PRKN: variants seen among roughly 807,000 people sequenced by gnomAD.
PRKN encodes the protein parkin RBR E3 ubiquitin protein ligase.
PRKN carries 56 observed loss-of-function variants against 59.5 expected under a neutral mutation model. The observed-to-expected ratio is 0.94, with a 90% CI of 0.76 to 1.18. The LOEUF is 1.18. PRKN is among the 50% of genes most tolerant of loss of function. The pLI is 0.00. For missense variants in PRKN, 657 were observed against 596.4 expected, an observed-to-expected ratio of 1.10 and a Z score of -1.06; for synonymous variants, 250 against 222.1, an observed-to-expected ratio of 1.13 and a Z score of -1.12.
intron 6 of PRKN, among the ~76,000 whole-genome samples, chr6:161,829,953 A>T (rs4307152): frequency 0.85 from 128,886 of 151,996 alleles, 54,756 homozygotes; most frequent in Admixed American, 0.89. Context: ...CCTCTCGCCA[A>T]GTCCGTAGCT....
At chr6:161,897,883 C>T (rs189860433) in intron 6 of PRKN, among the ~76,000 whole-genome samples, 1,749 of 137,412 alleles carry the variant, frequency 0.013, 55 homozygotes, top group Admixed American at 0.11. Flanking sequence ...AGGAGAATGG[C>T]GTGAACCCGG....
At chr6:162,103,737 C>T (rs1780074102) in intron 4 of PRKN, among the ~76,000 whole-genome samples, 1 of 152,132 alleles carries the variant, frequency 6.6e-6, no homozygotes. Flanking sequence ...CCCAGAAAGG[C>T]CCGGATTCAC....
intron 1 of PRKN, among the ~76,000 whole-genome samples, chr6:162,556,345 GTGTGTGTGT>G (rs1779576940): frequency 3.5e-4 from 18 of 50,800 alleles, no homozygotes; most frequent in Non-Finnish European, 4.3e-4. Flanking sequence ...CTCAGCTGGT[GTGTGTGTGT>G]GTGTGTGTGT....
intron 3 of PRKN, among the ~76,000 whole-genome samples, chr6:162,216,305 T>C (rs973800799): frequency 6.8e-6 from 1 of 146,772 alleles, no homozygotes; most frequent in African/African-American, 2.5e-5. Flanking sequence ...CCGAGGCGGG[T>C]GGATCATGAG....
intron 1 of PRKN, among the ~76,000 whole-genome samples, chr6:162,453,323 C>G (rs9295190): frequency 6.6e-6 from 1 of 152,112 alleles, no homozygotes; most frequent in Non-Finnish European, 1.5e-5. Flanking sequence ...TCCTCTCTCT[C>G]TTTTTCCTTC....
intron 9 of PRKN, among the ~76,000 whole-genome samples, chr6:161,542,686 A>G (rs1779659105): frequency 1.3e-5 from 2 of 152,218 alleles, no homozygotes. Context: ...TTGATGAAGA[A>G]CATCTTGTAT....
At chr6:162,516,350 C>A (rs1350891649) in intron 1 of PRKN, among the ~76,000 whole-genome samples, 2 of 152,206 alleles carry the variant, frequency 1.3e-5, no homozygotes, top group Non-Finnish European at 2.9e-5. Context: ...GCACACCTAT[C>A]CAATGAAGCA....
Position 161,459,623 on chromosome 6 carries a change from C to T in PRKN, c.1084-72746G>A, listed in dbSNP as rs897344811. On this transcript the variant is annotated intron_variant, in intron 9 of 11. Transcript: ENST00000366898. The surrounding 1 kb of genome is among the most constrained non-coding windows in gnomAD (Gnocchi z 4.8). ...TCTCTGAGATCCATCCTGCTGTCAG[C>T]CCTAGAACTCCCTCACAAGCAAGCT... 6.6e-6 allele frequency among the ~76,000 whole-genome samples: 1 copy of T among 152,156 alleles called. No individual in the cohort carries two copies. Among genetic ancestry groups the T allele is most frequent in the Non-Finnish European group, 1.5e-5 (1 of 68,024 alleles).
At position 161,503,163 on chromosome 6, in the gene PRKN, G is replaced by A. The variant is rs1778025319; in HGVS notation, c.1083+45691C>T. On this transcript the variant is annotated intron_variant, in intron 9 of 11. Transcript: ENST00000366898. This position sits in a 1 kb window ranked among gnomAD's most constrained non-coding sequence, Gnocchi z 5.1. ...AGGCAAACTGATCTCCCATGTAGAG[G>A]GAGGAGATGGGATCTGGAAGGCCTG... Among the ~76,000 whole-genome samples the A allele has an allele frequency of 6.6e-6, 1 of 152,144 alleles. No individual in the cohort carries two copies. The highest frequency in any genetic ancestry group is 2.4e-5 in the African/African-American group (1 of 41,436).
intron 1 of PRKN, among the ~76,000 whole-genome samples, chr6:162,702,276 G>A (rs899113956): frequency 5.9e-5 from 9 of 152,046 alleles, no homozygotes; most frequent in African/African-American, 1.4e-4. Context: ...TTTACTTGAC[G>A]TTTTTCCTTT....
chr6:161,462,020 G>A lies in PRKN; in HGVS notation c.1084-75143C>T, dbSNP rs1286554240. Among the ~76,000 whole-genome samples, 1 of 152,144 alleles carries A rather than the reference G, an allele frequency of 6.6e-6. No homozygotes were observed. The highest frequency in any genetic ancestry group is 2.4e-5 in the African/African-American group (1 of 41,428). ...GGCTGTGAAGGATGGCAATGGTGGG[G>A]GAAGATGGCTGGAAAGGTGGGTGAG... On this transcript the variant is annotated intron_variant, in intron 9 of 11. Transcript: ENST00000366898. The surrounding 1 kb of genome is among the most constrained non-coding windows in gnomAD (Gnocchi z 4.5).
intron 2 of PRKN, among the ~76,000 whole-genome samples, chr6:162,354,579 C>T (rs1205432822): frequency 2.0e-5 from 3 of 152,116 alleles, no homozygotes; most frequent in Non-Finnish European, 4.4e-5. Flanking sequence ...TAATTAGCAG[C>T]TGGAAAAGCT....
At chr6:162,568,579 AGG>A in intron 1 of PRKN, 1 of 763,804 alleles carries the variant, frequency 1.3e-6, no homozygotes, top group Non-Finnish European at 2.2e-6. Context: ...GAGCAGGAGA[AGG>A]AGAAGGAGCA....
rs528029714 is a variant in PRKN at position 161,383,094 on chromosome 6, T to C, written c.1167+3700A>G. 1.2e-4 allele frequency among the ~76,000 whole-genome samples: 19 copies of C among 152,314 alleles called. No homozygotes were observed. The East Asian group carries it at 2.5e-3, about 20-fold the overall frequency. ...CCTTCGGTTCCAAGGGAGGCTGCAA[T>C]TGGGCTTTCATTGTGAGATGTGTAG... On this transcript the variant is annotated intron_variant, in intron 10 of 11. Coordinates refer to ENST00000366898, the MANE Select transcript of PRKN (RefSeq NM_004562.3).
chr6:161,719,144 G>A (rs538930614), intron 7 of PRKN, among the ~76,000 whole-genome samples: 17 of 151,894 alleles, frequency 1.1e-4, no homozygotes, highest in East Asian at 3.9e-4. Flanking sequence ...ATCGCCTAGC[G>A]AAGGGTACGG....
In PRKN at chr6:161,518,560, G is replaced by A. The variant is rs2115352352; in HGVS notation, c.1083+30294C>T. On this transcript the variant is annotated intron_variant, in intron 9 of 11. Transcript: ENST00000366898. This position sits in a 1 kb window ranked among gnomAD's most constrained non-coding sequence, Gnocchi z 5.0. ...CGAGGCTCACATCTGCCCTTGCTGG[G>A]TTCCACCACCTTCTGGCAAAGAGCA... Among the ~76,000 whole-genome samples the A allele has an allele frequency of 6.6e-6, 1 of 152,262 alleles. No individual in the cohort carries two copies. The highest frequency in any genetic ancestry group is 2.1e-4 in the South Asian group (1 of 4,830).
intron 7 of PRKN, among the ~76,000 whole-genome samples, chr6:161,703,126 A>G (rs1786324058): frequency 6.6e-6 from 1 of 152,000 alleles, no homozygotes; most frequent in Non-Finnish European, 1.5e-5. Flanking sequence ...CAAACTAGTG[A>G]GACCTATTGC....
intron 3 of PRKN, among the ~76,000 whole-genome samples, chr6:162,217,835 A>C (rs958980491): frequency 2.6e-5 from 4 of 152,186 alleles, no homozygotes; most frequent in African/African-American, 9.7e-5. Flanking sequence ...TTGTCTCTCA[A>C]TAAGTAAGCA....
intron 9 of PRKN, among the ~76,000 whole-genome samples, chr6:161,422,633 G>C (rs548301274): frequency 6.6e-6 from 1 of 151,846 alleles, no homozygotes; most frequent in South Asian, 2.1e-4. Context: ...CCCTTTCTCT[G>C]CTGAAAGAAT....
Sources: gnomAD v4.1 joint callset for allele counts (sites outside exome capture counted in the v4.1 genomes callset) on GRCh38, gnomAD v4.1.1 for gene constraint, Gnocchi (gnomAD v3.1) non-coding constraint, MANE v1.5 for transcripts, NCBI Gene and HGNC (gene_info 2026-07-23, HGNC 2026-07-21) for gene names.